Variants in CNTN5 observed in about 807,000 individuals in gnomAD.
The protein encoded by CNTN5 is contactin-5.
A neutral mutation model predicts 129.1 loss-of-function variants in CNTN5; 77 were observed. The observed-to-expected ratio is 0.60, with a 90% CI of 0.50 to 0.72. CNTN5 has a LOEUF of 0.72. CNTN5 is among the 30% of genes least tolerant of loss of function. CNTN5 has a pLI of 0.00. For missense variants in CNTN5, 1,478 were observed against 1,328.8 expected, an observed-to-expected ratio of 1.11 and a Z score of -1.75; for synonymous variants, 509 against 465.6, an observed-to-expected ratio of 1.09 and a Z score of -1.20.
At chr11:99,204,179 TTC>T (rs1361542132) in intron 1 of CNTN5, among the ~76,000 whole-genome samples, 2 of 152,262 alleles carry the variant, frequency 1.3e-5, no homozygotes, top group African/African-American at 4.8e-5. Flanking sequence ...TAATCGTTAA[TTC>T]TCTCAGATTC....
intron 16 of CNTN5, among the ~76,000 whole-genome samples, chr11:100,235,236 C>T (rs77330165): frequency 0.028 from 4,311 of 152,004 alleles, 202 homozygotes; most frequent in African/African-American, 0.098. Context: ...TTTTTCTGAA[C>T]GCATTCTGTT....
At chr11:100,176,728 G>C (rs1386517243) in intron 13 of CNTN5, among the ~76,000 whole-genome samples, 1 of 152,032 alleles carries the variant, frequency 6.6e-6, no homozygotes, top group Non-Finnish European at 1.5e-5. Context: ...AGAGATCCAT[G>C]AGGGGAATGG....
In CNTN5 at chr11:99,599,602, A is replaced by T. The variant is rs79782893; in HGVS notation, c.55+43333A>T. ...AGTGAGTTATACTAATTATATGTAA[A>T]ACATTTTATCACATATTAATCTCCC... On this transcript the variant is annotated intron_variant, in intron 3 of 24. Coordinates refer to ENST00000524871, the MANE Select transcript of CNTN5 (RefSeq NM_014361.4). 9.2e-3 allele frequency among the ~76,000 whole-genome samples: 1,398 copies of T among 152,244 alleles called. 21 individuals are homozygous for T. The highest frequency in any genetic ancestry group is 0.03 in the African/African-American group (1,256 of 41,536).
intron 1 of CNTN5, among the ~76,000 whole-genome samples, chr11:99,216,441 A>G (rs1860118550): frequency 6.6e-6 from 1 of 152,166 alleles, no homozygotes; most frequent in Non-Finnish European, 1.5e-5. Context: ...GACTATTGTG[A>G]ATAGTGCTAC....
intron 17 of CNTN5, among the ~76,000 whole-genome samples, chr11:100,260,124 T>C (rs576416554): frequency 8.5e-5 from 13 of 152,072 alleles, no homozygotes; most frequent in Middle Eastern, 3.4e-3. Flanking sequence ...TCACTACTGA[T>C]CCCACAGAAA....
At chr11:100,177,970 C>A (rs1948023176) in intron 13 of CNTN5, among the ~76,000 whole-genome samples, 2 of 152,112 alleles carry the variant, frequency 1.3e-5, no homozygotes, top group Non-Finnish European at 2.9e-5. Flanking sequence ...TGCCAGGGTT[C>A]TCATTTCAAA....
At chr11:99,248,401 T>A (rs375973515) in intron 1 of CNTN5, among the ~76,000 whole-genome samples, 1 of 152,110 alleles carries the variant, frequency 6.6e-6, no homozygotes, top group African/African-American at 2.4e-5. Context: ...CTTTTCTCCC[T>A]TTCTGTAGGT....
chr11:99,535,572 A>G (rs10893477), intron 2 of CNTN5, among the ~76,000 whole-genome samples: 37,809 of 152,076 alleles, frequency 0.25, 5,172 homozygotes, highest in Non-Finnish European at 0.31. Context: ...AGTAAGACCT[A>G]GGCATGAGAA....
At chr11:99,464,410 T>C (rs189354441) in intron 2 of CNTN5, among the ~76,000 whole-genome samples, 106 of 152,308 alleles carry the variant, frequency 7.0e-4, no homozygotes, top group Admixed American at 2.4e-3. Context: ...AACAATTTCA[T>C]TGATGATCTA....
At chr11:99,281,233 G>A (rs990316459) in intron 1 of CNTN5, among the ~76,000 whole-genome samples, 7 of 151,768 alleles carry the variant, frequency 4.6e-5, no homozygotes, top group African/African-American at 7.3e-5. Context: ...ATATGTTTGT[G>A]GCTAGAAATT....
chr11:99,855,995 G>A (rs1591316623), intron 6 of CNTN5, among the ~76,000 whole-genome samples: 1 of 152,220 alleles, frequency 6.6e-6, no homozygotes, highest in East Asian at 1.9e-4. Flanking sequence ...AAAGTCTCAT[G>A]ATGGTTAGGC....
chr11:99,057,061 T>C (rs1864652643), intron 1 of CNTN5, among the ~76,000 whole-genome samples: 1 of 152,044 alleles, frequency 6.6e-6, no homozygotes, highest in Admixed American at 6.6e-5. Context: ...TTGACAAGCA[T>C]GAGCAGCCTC....
chr11:99,789,364 A>G, intron 3 of CNTN5, among the ~76,000 whole-genome samples: 1 of 152,004 alleles, frequency 6.6e-6, no homozygotes, highest in Non-Finnish European at 1.5e-5. Flanking sequence ...CAGATAATGA[A>G]CAACAGAACT....
intron 3 of CNTN5, among the ~76,000 whole-genome samples, chr11:99,728,178 A>G (rs554939610): frequency 6.6e-6 from 1 of 152,024 alleles, no homozygotes; most frequent in East Asian, 1.9e-4. Context: ...ATGTTTAGAA[A>G]AATATAGAGG....
intron 1 of CNTN5, among the ~76,000 whole-genome samples, chr11:99,125,746 A>C (rs1466369695): frequency 2.0e-5 from 3 of 152,190 alleles, no homozygotes; most frequent in Non-Finnish European, 2.9e-5. Flanking sequence ...TAAAATAAAA[A>C]ATTTACCACT....
At chr11:100,337,638 G>T in intron 21 of CNTN5, 1 of 681,642 alleles carries the variant, frequency 1.5e-6, no homozygotes, top group South Asian at 1.4e-5. Flanking sequence ...GGAACTAATT[G>T]GGTACCTGAG....
At chr11:100,095,769 G>T (rs1472927743) in intron 13 of CNTN5, among the ~76,000 whole-genome samples, 3 of 152,054 alleles carry the variant, frequency 2.0e-5, no homozygotes, top group African/African-American at 4.8e-5. Flanking sequence ...AGCTGGGAGA[G>T]AAAACAATTA....
intron 1 of CNTN5, among the ~76,000 whole-genome samples, chr11:99,169,126 T>C (rs925707260): frequency 5.3e-5 from 8 of 152,200 alleles, no homozygotes; most frequent in African/African-American, 1.9e-4. Context: ...TCAGGCCTCA[T>C]AAACAAAACA....
chr11:100,071,896 T>G (rs1330256416), intron 12 of CNTN5, 62 bp downstream of exon 12: 1 of 1,400,422 alleles, frequency 7.1e-7, no homozygotes, highest in East Asian at 2.4e-5. Flanking sequence ...ATGCTCTAAT[T>G]TTTACTATAC....
Sources: gnomAD v4.1 joint callset for allele counts (sites outside exome capture counted in the v4.1 genomes callset) on GRCh38, gnomAD v4.1.1 for gene constraint, MANE v1.5 for transcripts, NCBI Gene and HGNC (gene_info 2026-07-23, HGNC 2026-07-21) for gene names.